Variants in NRG3 observed in about 807,000 individuals in gnomAD.
The protein encoded by NRG3 is neuregulin 3, also known as pro-neuregulin-3, membrane-bound isoform.
In NRG3, 31 loss-of-function variants were observed where a neutral mutation model predicts 66.9. That is an observed-to-expected ratio of 0.46 (90% CI 0.35 to 0.63). The LOEUF (loss-of-function observed/expected upper bound fraction) is 0.63. Among genes scored for constraint, NRG3 ranks in the 20% least tolerant of loss-of-function variants. The pLI is 0.00. For synonymous variants in NRG3, 393 were observed against 359.4 expected, an observed-to-expected ratio of 1.09 and a Z score of -1.06; for missense variants, 910 against 878.9, an observed-to-expected ratio of 1.04 and a Z score of -0.45.
At chr10:82,457,477 ACCT>A (rs546575175) in intron 2 of NRG3, among the ~76,000 whole-genome samples, 6 of 151,952 alleles carry the variant, frequency 3.9e-5, no homozygotes, top group Admixed American at 2.6e-4. Context: ...CCCACCTCTC[ACCT>A]CCTGCTCTGT....
chr10:82,349,331 AT>A, intron 1 of NRG3, among the ~76,000 whole-genome samples: 1 of 151,658 alleles, frequency 6.6e-6, no homozygotes, highest in African/African-American at 2.4e-5. Context: ...GCCTTGTGAG[AT>A]GTCAGTGTGC....
At chr10:82,410,132 G>A (rs781647879) in intron 2 of NRG3, among the ~76,000 whole-genome samples, 8 of 152,030 alleles carry the variant, frequency 5.3e-5, no homozygotes, top group Non-Finnish European at 1.2e-4. Flanking sequence ...CTTGTAAAAA[G>A]AGAATTAAGG....
At chr10:82,146,581 G>A (rs1043949826) in intron 1 of NRG3, among the ~76,000 whole-genome samples, 2 of 152,062 alleles carry the variant, frequency 1.3e-5, no homozygotes, top group Non-Finnish European at 2.9e-5. Context: ...CCCCAACAGC[G>A]TGCACCCTGA....
At chr10:82,295,236 A>G (rs1235476587) in intron 1 of NRG3, among the ~76,000 whole-genome samples, 1 of 152,236 alleles carries the variant, frequency 6.6e-6, no homozygotes, top group Non-Finnish European at 1.5e-5. Flanking sequence ...TTCCTAAAAC[A>G]AAAATAAATA....
rs142289271 is a variant in NRG3 at position 82,483,573 on chromosome 10, T to C, written c.953+124705T>C. ...GTGTTTCCCCTCTGTTTAATGTAGA[T>C]GGCTTCCCAGAAAATTGCAATGTAG... On this transcript the variant is annotated intron_variant, in intron 2 of 8. Coordinates refer to ENST00000372141, the MANE Select transcript of NRG3 (RefSeq NM_001010848.4). Among the ~76,000 whole-genome samples, 869 of 152,338 alleles carry C rather than the reference T, an allele frequency of 5.7e-3. 8 individuals carry two copies. The highest frequency in any genetic ancestry group is 0.017 in the African/African-American group (689 of 41,568).
intron 2 of NRG3, among the ~76,000 whole-genome samples, chr10:82,695,355 T>C (rs1165907172): frequency 6.6e-6 from 1 of 152,066 alleles, no homozygotes; most frequent in African/African-American, 2.4e-5. Flanking sequence ...AACATGTAAA[T>C]TTCAGCATGA....
chr10:82,139,695 T>C (rs1407330666), intron 1 of NRG3, among the ~76,000 whole-genome samples: 1 of 152,170 alleles, frequency 6.6e-6, no homozygotes, highest in Non-Finnish European at 1.5e-5. Flanking sequence ...CAAAAGTGAA[T>C]AGTACAGCAC....
intron 3 of NRG3, among the ~76,000 whole-genome samples, chr10:82,748,359 A>C (rs2058727535): frequency 6.6e-6 from 1 of 151,404 alleles, no homozygotes; most frequent in Non-Finnish European, 1.5e-5. Flanking sequence ...CTTATCATCT[A>C]AACTAGGATA....
At chr10:81,877,439 G>C (rs6584385) in intron 1 of NRG3, among the ~76,000 whole-genome samples, 18,840 of 152,220 alleles carry the variant, frequency 0.12, 1,184 homozygotes, top group South Asian at 0.18. Flanking sequence ...TAGCATCTGA[G>C]ATAAAGGAAG....
At chr10:82,314,405 C>T (rs1046196308) in intron 1 of NRG3, among the ~76,000 whole-genome samples, 19 of 151,846 alleles carry the variant, frequency 1.3e-4, no homozygotes, top group South Asian at 8.3e-4. Flanking sequence ...GCAGGGACCC[C>T]GGAGATCATC....
At position 82,258,477 on chromosome 10, in the gene NRG3, A is replaced by C. The variant is rs530808948; in HGVS notation, c.824-100262A>C. 2.0e-5 allele frequency among the ~76,000 whole-genome samples: 3 copies of C among 152,362 alleles called. No homozygotes were observed. In the South Asian group the frequency reaches 6.2e-4, roughly 32 times the overall value. On this transcript the variant is annotated intron_variant, in intron 1 of 8. Coordinates refer to ENST00000372141, the MANE Select transcript of NRG3 (RefSeq NM_001010848.4). ...AAAAATATGAATTCACAAATTAGGCAGGCATCCTTGTTGTATCTATCATAT... is the reference window on the plus strand; with the variant it reads ...AAAAATATGAATTCACAAATTAGGCCGGCATCCTTGTTGTATCTATCATAT...
chr10:81,964,456 A>G (rs1191854643), intron 1 of NRG3, among the ~76,000 whole-genome samples: 1 of 151,970 alleles, frequency 6.6e-6, no homozygotes, highest in Non-Finnish European at 1.5e-5. Flanking sequence ...TTCAATAAAA[A>G]CATCTGCAAC....
At chr10:82,008,589 A>G (rs1259320957) in intron 1 of NRG3, among the ~76,000 whole-genome samples, 2 of 152,200 alleles carry the variant, frequency 1.3e-5, no homozygotes, top group Admixed American at 6.5e-5. Context: ...GTACAGAGCT[A>G]TTCAAGATCA....
At chr10:82,033,034 A>T (rs2062639075) in intron 1 of NRG3, among the ~76,000 whole-genome samples, 1 of 152,194 alleles carries the variant, frequency 6.6e-6, no homozygotes, top group African/African-American at 2.4e-5. Flanking sequence ...AACCAATAAG[A>T]TGTTGTAAGT....
intron 2 of NRG3, among the ~76,000 whole-genome samples, chr10:82,544,895 T>C (rs2043790804): frequency 6.6e-6 from 1 of 152,210 alleles, no homozygotes. Context: ...AGCTTCAATA[T>C]TACTTTCGTA....
At chr10:82,416,017 T>C (rs996393893) in intron 2 of NRG3, among the ~76,000 whole-genome samples, 2 of 152,208 alleles carry the variant, frequency 1.3e-5, no homozygotes, top group Non-Finnish European at 2.9e-5. Flanking sequence ...GTTCTTGTTA[T>C]AGATAATTTC....
rs1290870254 is a variant in NRG3, at chr10:82,984,936, TC to T, written c.1584-161del. Reference sequence around the variant, plus strand: ...GCAAGTCACTTCACCTATCTGAGCTTCAGTTTACTTCTCTGTTTAACTGGGA... The same window carrying T: ...GCAAGTCACTTCACCTATCTGAGCTTAGTTTACTTCTCTGTTTAACTGGGA... On this transcript the variant is annotated intron_variant, in intron 8 of 8. Transcript: ENST00000372141. 5.7e-6 allele frequency: 7 copies of T among 1,237,098 alleles called. No individual in the cohort carries two copies. The East Asian group carries it at 1.6e-4, about 29-fold the overall frequency. The allele number at this position is 1,237,098 out of a possible 1,614,324, so 76.6% of individuals were successfully genotyped here.
intron 1 of NRG3, among the ~76,000 whole-genome samples, chr10:82,261,267 G>A (rs34694668): frequency 0.11 from 17,077 of 152,044 alleles, 2,049 homozygotes; most frequent in African/African-American, 0.29. Context: ...GGCGCCACCC[G>A]CTTCACTCAT....
chr10:82,250,779 C>T (rs1035054993), intron 1 of NRG3, among the ~76,000 whole-genome samples: 1 of 152,134 alleles, frequency 6.6e-6, no homozygotes. Flanking sequence ...CGTCACAAGC[C>T]ACCTGAAGGC....
Sources: gnomAD v4.1 joint callset for allele counts (sites outside exome capture counted in the v4.1 genomes callset) on GRCh38, gnomAD v4.1.1 for gene constraint, MANE v1.5 for transcripts, NCBI Gene and HGNC (gene_info 2026-07-23, HGNC 2026-07-21) for gene names.